The following PHF21A variants were observed in gnomAD, a reference collection of about 807,000 sequenced individuals.
PHF21A encodes PHD finger protein 21A.
PHF21A carries 11 observed loss-of-function variants against 82.5 expected under a neutral mutation model. The observed-to-expected ratio is 0.13, with a 90% CI of 0.08 to 0.22. PHF21A has a LOEUF of 0.22. Among genes scored for constraint, PHF21A ranks in the 10% least tolerant of loss-of-function variants. The probability of loss-of-function intolerance (pLI) is 1.00; values close to 1 mark genes in which losing one functional copy is unlikely to be tolerated. For missense variants in PHF21A, 579 were observed against 837.8 expected, an observed-to-expected ratio of 0.69 and a Z score of 3.81; for synonymous variants, 297 against 302.8, an observed-to-expected ratio of 0.98 and a Z score of 0.20.
In PHF21A at chr11:45,945,907, G is replaced by C. The variant is rs1413949044; in HGVS notation, c.1385C>G (p.Thr462Arg). ...SHPDSPENEKTETTFTFPAPV... is the reference protein window; with the variant it reads ...SHPDSPENEKRETTFTFPAPV... ...TGCAGGGAAAGTGAATGTGGTCTCT[G>C]TCTTTTCATTTTCAGGGGAGTCAGG... The change falls in exon 15 of 19, where the codon ACA becomes AGA. Residue 462 changes from threonine to arginine, a missense_variant. Physicochemically the swap from Thr to Arg is moderately conservative, Grantham distance 71. Around this residue, in one of 3 missense-constraint regions of PHF21A, gnomAD observed 410 missense variants for 642.1 expected, o/e 0.64. Transcript: ENST00000676320. 3.1e-6 allele frequency: 5 copies of C among 1,612,750 alleles called. No homozygotes were observed. In the South Asian group the frequency reaches 4.4e-5, roughly 14 times the overall value.
chr11:46,044,425 C>T (rs1236131851), intron 6 of PHF21A, among the ~76,000 whole-genome samples: 1 of 152,074 alleles, frequency 6.6e-6, no homozygotes, highest in African/African-American at 2.4e-5. Flanking sequence ...CTTCCAGTGA[C>T]CCCGGTACTA....
At chr11:46,098,540 A>G (rs2097037935) in intron 1 of PHF21A, among the ~76,000 whole-genome samples, 1 of 152,238 alleles carries the variant, frequency 6.6e-6, no homozygotes, top group Admixed American at 6.5e-5. Flanking sequence ...CACTCTATAA[A>G]GTACAAAAAT....
chr11:46,009,877 T>C (rs1366251346), intron 6 of PHF21A, among the ~76,000 whole-genome samples: 1 of 152,236 alleles, frequency 6.6e-6, no homozygotes, highest in Non-Finnish European at 1.5e-5. Flanking sequence ...CCTTGCATTT[T>C]TCTGGCTTAC....
At position 46,102,228 on chromosome 11, in the gene PHF21A, C is replaced by T. The variant is rs2097105464; in HGVS notation, c.-236-10005G>A. Among the ~76,000 whole-genome samples, 4 of 152,222 alleles carry T rather than the reference C, an allele frequency of 2.6e-5. No individual in the cohort carries two copies. In the South Asian group the frequency reaches 8.3e-4, roughly 31 times the overall value. ...CCTCCCACAGTGCTGGGATTACAGG[C>T]ATGAGCCACTACACCTAACCAGGAG... is the stretch of plus-strand genomic sequence containing the variant. On this transcript the variant is annotated intron_variant, in intron 1 of 18. Transcript: ENST00000676320.
chr11:46,047,299 A>G (rs1447492499), intron 6 of PHF21A, among the ~76,000 whole-genome samples: 2 of 152,204 alleles, frequency 1.3e-5, no homozygotes, highest in African/African-American at 2.4e-5. Flanking sequence ...AGTGGTTACT[A>G]TTATACACTG....
chr11:45,974,441 T>TTATTATTAC (rs2093927692), intron 7 of PHF21A, among the ~76,000 whole-genome samples: 1 of 150,608 alleles, frequency 6.6e-6, no homozygotes, highest in African/African-American at 2.4e-5. Flanking sequence ...ATTATTATTA[T>TTATTATTAC]TATTATTATT....
At chr11:46,019,876 A>G (rs933011749) in intron 6 of PHF21A, among the ~76,000 whole-genome samples, 3 of 152,194 alleles carry the variant, frequency 2.0e-5, no homozygotes, top group Non-Finnish European at 4.4e-5. Flanking sequence ...AACCATTAAG[A>G]AGCAGGAAAG....
Position 45,965,534 on chromosome 11 carries a change from C to T in PHF21A, c.777G>A (p.Gln259=), listed in dbSNP as rs1431537328. The T allele has an allele frequency of 1.2e-6, 2 of 1,603,402 alleles. No individual in the cohort carries two copies. The highest frequency in any genetic ancestry group is 1.7e-6 in the Non-Finnish European group (2 of 1,173,528). The stretch of plus-strand genomic sequence containing the variant: ...TCAGCATGACGGGCCTCTGGATAAG[C>T]TGAGGAGCTGCGAGCATGGGAGGTG... ...PAPPPMLAAP[Q]LIQRPVMLTK... The change falls in exon 10 of 19, where the codon CAG becomes CAA. Residue 259 remains glutamine, a synonymous_variant. Coordinates refer to ENST00000676320, the MANE Select transcript of PHF21A (RefSeq NM_001352027.3).
chr11:46,103,720 G>A (rs920029251), intron 1 of PHF21A, among the ~76,000 whole-genome samples: 2 of 152,118 alleles, frequency 1.3e-5, no homozygotes, highest in African/African-American at 4.8e-5. Context: ...GTTTTGGTAA[G>A]CTATTACAAA....
intron 7 of PHF21A, 74 bp from the exon 8 acceptor site, chr11:45,971,441 A>C: frequency 1.5e-6 from 2 of 1,297,970 alleles, no homozygotes; most frequent in South Asian, 1.4e-5. Flanking sequence ...ACTAAACAAT[A>C]TGCTGCTTAA....
At chr11:45,970,581 G>T (rs953137498) in intron 8 of PHF21A, 4 of 47,160 alleles carry the variant, frequency 8.5e-5, no homozygotes, top group African/African-American at 2.1e-4. Context: ...TCCTTAAAGG[G>T]ATTTTTTTTT....
At chr11:46,078,415 T>A (rs765471348) in intron 5 of PHF21A, among the ~76,000 whole-genome samples, 2 of 152,172 alleles carry the variant, frequency 1.3e-5, no homozygotes, top group Non-Finnish European at 2.9e-5. Context: ...ACACTCTCCA[T>A]ACTTATGACC....
At chr11:46,103,023 G>C (rs1437128024) in intron 1 of PHF21A, among the ~76,000 whole-genome samples, 2 of 152,024 alleles carry the variant, frequency 1.3e-5, no homozygotes, top group Non-Finnish European at 2.9e-5. Flanking sequence ...CAGGGAGTCT[G>C]GGCAATCACC....
chr11:46,104,013 T>C (rs2097127171), intron 1 of PHF21A, among the ~76,000 whole-genome samples: 1 of 152,184 alleles, frequency 6.6e-6, no homozygotes, highest in African/African-American at 2.4e-5. Flanking sequence ...AGGCTCAGTT[T>C]CTAGGCTCAA....
At chr11:45,983,047 T>C (rs1183242625) in intron 6 of PHF21A, among the ~76,000 whole-genome samples, 1 of 152,142 alleles carries the variant, frequency 6.6e-6, no homozygotes, top group Non-Finnish European at 1.5e-5. Context: ...TCCAATGTCA[T>C]GTACAACAGA....
intron 6 of PHF21A, among the ~76,000 whole-genome samples, chr11:46,055,134 T>G (rs1452369752): frequency 6.6e-6 from 1 of 152,166 alleles, no homozygotes; most frequent in Non-Finnish European, 1.5e-5. Flanking sequence ...GGCGAGAACT[T>G]AAGATACTTT....
chr11:46,077,121 T>C lies in PHF21A; in HGVS notation c.88-302A>G, dbSNP rs2096735737. Among the ~76,000 whole-genome samples, 4 of 152,358 alleles carry C rather than the reference T, an allele frequency of 2.6e-5. No homozygotes were observed. In the South Asian group the frequency reaches 8.3e-4, roughly 32 times the overall value. On this transcript the variant is annotated intron_variant, in intron 5 of 18. Transcript: ENST00000676320. ...TCCACTAAAATATTCTTATTCTTTA[T>C]AGAAAGTATCCATTGACAGAAAACC...
Position 46,049,718 on chromosome 11 carries a change from G to A in PHF21A, c.153+27036C>T, listed in dbSNP as rs183640689. On this transcript the variant is annotated intron_variant, in intron 6 of 18. Transcript: ENST00000676320. Reference sequence around the variant, plus strand: ...GTCCTACTCAGGGGGTCCCCTCCACGTTCCATATTGTAAACTATACTGAAA... The same window carrying A: ...GTCCTACTCAGGGGGTCCCCTCCACATTCCATATTGTAAACTATACTGAAA... Among the ~76,000 whole-genome samples the A allele has an allele frequency of 7.2e-3, 1,104 of 152,292 alleles. 6 individuals carry two copies. The highest frequency in any genetic ancestry group is 0.011 in the Non-Finnish European group (753 of 68,016).
At chr11:46,071,905 C>T (rs1261999921) in intron 6 of PHF21A, among the ~76,000 whole-genome samples, 1 of 152,104 alleles carries the variant, frequency 6.6e-6, no homozygotes, top group Non-Finnish European at 1.5e-5. Context: ...AAGCAAGACA[C>T]ACCGTTCTAT....
Sources: allele counts gnomAD v4.1 joint callset (sites outside exome capture counted in the v4.1 genomes callset), GRCh38; gene constraint gnomAD v4.1.1; regional missense constraint gnomAD v4.1.1; transcripts MANE v1.5; gene names NCBI Gene and HGNC (gene_info 2026-07-23, HGNC 2026-07-21).